Variants in LEPR observed in about 807,000 individuals in gnomAD.
LEPR encodes OB receptor.
In LEPR, 56 loss-of-function variants were observed where a neutral mutation model predicts 114.7. That is an observed-to-expected ratio of 0.49 (90% confidence interval 0.39 to 0.61). LEPR has a LOEUF of 0.61. LEPR is among the 20% of genes least tolerant of loss of function. The pLI is 0.00. For synonymous variants in LEPR, 443 were observed against 461.4 expected (o/e 0.96, Z 0.51); for missense variants, 1,202 against 1,352.9 (o/e 0.89, Z 1.75).
At chr1:65,484,809 A>G (rs932699790) in intron 2 of LEPR, among the ~76,000 whole-genome samples, 3 of 152,232 alleles carry the variant, frequency 2.0e-5, no homozygotes, top group African/African-American at 7.2e-5. Flanking sequence ...TATCAGATGC[A>G]TCCTTCAATA....
chr1:65,431,808 AT>A, intron 2 of LEPR: 1 of 1,612,896 alleles, frequency 6.2e-7, no homozygotes. Context: ...TTCAGATCAA[AT>A]GGGGAGCCTG....
chr1:65,532,101 A>G (rs1055205775), intron 2 of LEPR, among the ~76,000 whole-genome samples: 2 of 152,230 alleles, frequency 1.3e-5, no homozygotes. Context: ...TACTTTAATT[A>G]CTGGTGAGAT....
intron 19 of LEPR, 144 bp downstream of exon 19, chr1:65,623,125 T>C (rs1657984451): frequency 3.7e-6 from 3 of 815,298 alleles, no homozygotes; most frequent in Non-Finnish European, 3.8e-6. Context: ...TTATATACTT[T>C]CAAGAATAGC....
chr1:65,635,484 A>G, intron 19 of LEPR: 5 of 613,000 alleles, frequency 8.2e-6, no homozygotes, highest in Non-Finnish European at 1.0e-5. Context: ...TTTTTACGTG[A>G]AGTTATTTAT....
chr1:65,584,715 T>C (rs1408281094), intron 5 of LEPR, among the ~76,000 whole-genome samples: 2 of 152,110 alleles, frequency 1.3e-5, no homozygotes. Flanking sequence ...GGCTAATGGG[T>C]ACATGGTCAA....
intron 2 of LEPR, among the ~76,000 whole-genome samples, chr1:65,463,268 G>T (rs1466131237): frequency 6.6e-6 from 1 of 151,976 alleles, no homozygotes; most frequent in Non-Finnish European, 1.5e-5. Context: ...TTCCCTATTT[G>T]GTTGTTTGTG....
At chr1:65,467,963 G>A (rs1647035721) in intron 2 of LEPR, among the ~76,000 whole-genome samples, 1 of 152,188 alleles carries the variant, frequency 6.6e-6, no homozygotes, top group South Asian at 2.1e-4. Flanking sequence ...CCTTGGCTAG[G>A]AAAGGGAAAT....
chr1:65,494,955 A>G (rs1163721566), intron 2 of LEPR, among the ~76,000 whole-genome samples: 1 of 152,140 alleles, frequency 6.6e-6, no homozygotes, highest in Admixed American at 6.6e-5. Flanking sequence ...CTATGAAGCT[A>G]TGAGAAGAAA....
At chr1:65,635,603 T>C (rs565216174) in intron 19 of LEPR, among the ~76,000 whole-genome samples, 106 of 152,254 alleles carry the variant, frequency 7.0e-4, no homozygotes, top group African/African-American at 2.3e-3. Context: ...ATTCTCAGTA[T>C]ACAGCAGATA....
chr1:65,434,756 A>G (rs1389069307), intron 2 of LEPR: 1 of 985,026 alleles, frequency 1.0e-6, no homozygotes, highest in Non-Finnish European at 1.2e-6. Flanking sequence ...AGTTTTGTTC[A>G]CCTCTCCCAA....
At chr1:65,555,740 T>C (rs547211856) in intron 2 of LEPR, among the ~76,000 whole-genome samples, 5 of 152,312 alleles carry the variant, frequency 3.3e-5, no homozygotes, top group African/African-American at 9.6e-5. Flanking sequence ...TAGAGAACTT[T>C]TGCAACATTC....
Position 65,621,273 on chromosome 1 carries a change from G to C in LEPR, c.2492-80G>C, listed in dbSNP as rs1021322296. On this transcript the variant is annotated intron_variant, in intron 17 of 19. Coordinates refer to ENST00000349533, the MANE Select transcript of LEPR (RefSeq NM_002303.6). ...GAGATTTGTGATGAATTCAGAAAATGTCTACTATAATTTTTGATACAGAAA... is the reference window on the plus strand; with the variant it reads ...GAGATTTGTGATGAATTCAGAAAATCTCTACTATAATTTTTGATACAGAAA... 5.9e-6 allele frequency: 7 copies of C among 1,186,442 alleles called. No homozygotes were observed. The East Asian group carries it at 1.7e-4, about 29-fold the overall frequency. 73.5% of individuals were successfully genotyped at this position (1,186,442 alleles called of 1,614,324 possible).
chr1:65,445,506 G>A (rs1012228648), intron 2 of LEPR, among the ~76,000 whole-genome samples: 1 of 152,184 alleles, frequency 6.6e-6, no homozygotes, highest in Non-Finnish European at 1.5e-5. Context: ...GGTGCTGGCT[G>A]TAATTTTATC....
chr1:65,601,529 C>A lies in LEPR; in HGVS notation c.1132C>A (p.Gln378Lys). The A allele has an allele frequency of 1.2e-6, 2 of 1,613,740 alleles. No homozygotes were observed. Among genetic ancestry groups the A allele is most frequent in the Non-Finnish European group, 1.7e-6 (2 of 1,179,736 alleles). ...WWMNLAEKIP[Q>K]SQYDVVSDHV... ...GATGAATTTAGCTGAGAAAATTCCT[C>A]AAAGCCAGTATGATGTTGTGAGTGA... The change falls in exon 9 of 20, where the codon CAA (glutamine) becomes AAA (lysine). Residue 378 changes from glutamine (Q) to lysine (K), a missense_variant. Gln to Lys is a moderately conservative substitution (Grantham distance 53, BLOSUM62 1). Coordinates refer to ENST00000349533, the MANE Select transcript of LEPR (RefSeq NM_002303.6).
intron 2 of LEPR, among the ~76,000 whole-genome samples, chr1:65,449,656 G>A (rs1646756523): frequency 6.6e-6 from 1 of 151,604 alleles, no homozygotes. Context: ...CCTGTAGGTG[G>A]CAATCTCCAT....
chr1:65,579,918 T>A (rs568960495), intron 5 of LEPR, among the ~76,000 whole-genome samples: 1 of 152,234 alleles, frequency 6.6e-6, no homozygotes, highest in African/African-American at 2.4e-5. Flanking sequence ...ATTGGTCTAT[T>A]CTTCTAAACA....
At chr1:65,593,082 T>C (rs1250269500) in intron 6 of LEPR, among the ~76,000 whole-genome samples, 1 of 152,124 alleles carries the variant, frequency 6.6e-6, no homozygotes, top group East Asian at 1.9e-4. Flanking sequence ...TTTTGAAAAC[T>C]GTTTTCTTTC....
At chr1:65,595,637 T>TTA (rs1338015335) in intron 6 of LEPR, among the ~76,000 whole-genome samples, 1 of 152,110 alleles carries the variant, frequency 6.6e-6, no homozygotes, top group Admixed American at 6.5e-5. Flanking sequence ...GAAAATTATC[T>TTA]TATGCTCTTT....
At chr1:65,566,991 A>G (rs1382957582) in intron 3 of LEPR, among the ~76,000 whole-genome samples, 1 of 152,164 alleles carries the variant, frequency 6.6e-6, no homozygotes, top group South Asian at 2.1e-4. Context: ...ATTCTCTTTT[A>G]TAATTCTCTA....
Sources: gnomAD v4.1 joint callset for allele counts (sites outside exome capture counted in the v4.1 genomes callset) on GRCh38, gnomAD v4.1.1 for gene constraint, MANE v1.5 for transcripts, NCBI Gene and HGNC (gene_info 2026-07-23, HGNC 2026-07-21) for gene names.